MCU: variants seen among roughly 807,000 people sequenced by gnomAD.
MCU encodes calcium uniporter protein, mitochondrial.
MCU carries 12 observed loss-of-function variants against 45.2 expected under a neutral mutation model. The ratio of observed to expected loss-of-function variants is 0.27; its 90% CI spans 0.17 to 0.43. The LOEUF (loss-of-function observed/expected upper bound fraction) is 0.43, where lower values mean the gene tolerates loss of function less well. Among genes scored for constraint, MCU ranks in the 20% least tolerant of loss-of-function variants. The pLI, the probability that MCU is intolerant of heterozygous loss-of-function variation, is 1.00. For synonymous variants in MCU, 160 were observed against 165.1 expected (o/e 0.97, Z 0.24); for missense variants, 324 against 436.7 (o/e 0.74, Z 2.30).
intron 1 of MCU, among the ~76,000 whole-genome samples, chr10:72,786,660 C>A (rs770737488): frequency 2.0e-5 from 3 of 152,094 alleles, no homozygotes; most frequent in Non-Finnish European, 4.4e-5. Context: ...GCAGGAGAAT[C>A]GCTTGAACCC....
chr10:72,802,579 C>G (rs1844360025), intron 1 of MCU, among the ~76,000 whole-genome samples: 1 of 152,112 alleles, frequency 6.6e-6, no homozygotes, highest in Non-Finnish European at 1.5e-5. Flanking sequence ...AAATACTTAT[C>G]CATTGTAGAC....
chr10:72,875,900 A>G (rs972867086), intron 6 of MCU, among the ~76,000 whole-genome samples: 1 of 152,222 alleles, frequency 6.6e-6, no homozygotes, highest in Non-Finnish European at 1.5e-5. Context: ...CTTTTCAATG[A>G]AGGGGATGAT....
intron 2 of MCU, among the ~76,000 whole-genome samples, chr10:72,848,323 G>A (rs1425841753): frequency 6.6e-6 from 1 of 152,086 alleles, no homozygotes; most frequent in African/African-American, 2.4e-5. Flanking sequence ...TACAGTTCTG[G>A]GAAATCCAAG....
intron 2 of MCU, among the ~76,000 whole-genome samples, chr10:72,858,277 C>T (rs964534650): frequency 2.6e-5 from 4 of 152,130 alleles, no homozygotes; most frequent in African/African-American, 9.7e-5. Flanking sequence ...CTTCATGGGT[C>T]CCGTGTACAA....
At chr10:72,791,923 A>G (rs1285667717) in intron 1 of MCU, among the ~76,000 whole-genome samples, 3 of 152,030 alleles carry the variant, frequency 2.0e-5, no homozygotes, top group Non-Finnish European at 2.9e-5. Flanking sequence ...AAAAGCAGCT[A>G]TACATGTAGT....
chr10:72,764,808 A>T (rs1843702125), intron 1 of MCU, among the ~76,000 whole-genome samples: 1 of 152,132 alleles, frequency 6.6e-6, no homozygotes, highest in South Asian at 2.1e-4. Flanking sequence ...AGAGAATAGG[A>T]TTTATCAGGG....
chr10:72,791,181 T>C (rs1157517870), intron 1 of MCU, among the ~76,000 whole-genome samples: 1 of 152,186 alleles, frequency 6.6e-6, no homozygotes. Context: ...TTCCCAACAA[T>C]TTCAAATTAA....
chr10:72,792,855 G>T (rs1332606912), intron 1 of MCU, among the ~76,000 whole-genome samples: 1 of 151,878 alleles, frequency 6.6e-6, no homozygotes, highest in Non-Finnish European at 1.5e-5. Flanking sequence ...GGACATTAGT[G>T]GCAATGATGA....
intron 1 of MCU, among the ~76,000 whole-genome samples, chr10:72,814,082 A>G (rs985685242): frequency 3.3e-5 from 5 of 152,194 alleles, no homozygotes; most frequent in African/African-American, 1.2e-4. Context: ...CAGGGGATGG[A>G]AAAGTAAAGG....
chr10:72,725,957 T>C (rs575858095), intron 1 of MCU, among the ~76,000 whole-genome samples: 5 of 152,198 alleles, frequency 3.3e-5, no homozygotes, highest in Non-Finnish European at 7.4e-5. Flanking sequence ...ATTTATTTCC[T>C]CCTTTCTTGC....
intron 1 of MCU, among the ~76,000 whole-genome samples, chr10:72,704,347 G>A (rs1183102172): frequency 6.6e-6 from 1 of 152,028 alleles, no homozygotes; most frequent in African/African-American, 2.4e-5. Flanking sequence ...TTCAATTCAC[G>A]GTCTGTTTGA....
chr10:72,713,724 G>T (rs889434667), intron 1 of MCU, among the ~76,000 whole-genome samples: 35 of 152,108 alleles, frequency 2.3e-4, no homozygotes, highest in African/African-American at 8.0e-4. Flanking sequence ...AGTTTGTGTG[G>T]CTTGGCAAAT....
chr10:72,830,120 C>T (rs1844857674), intron 1 of MCU, among the ~76,000 whole-genome samples: 1 of 152,150 alleles, frequency 6.6e-6, no homozygotes, highest in African/African-American at 2.4e-5. Flanking sequence ...TGCAGCTACT[C>T]AACTCTTGCA....
At chr10:72,754,477 A>G (rs1193382901) in intron 1 of MCU, among the ~76,000 whole-genome samples, 3 of 152,184 alleles carry the variant, frequency 2.0e-5, no homozygotes, top group Admixed American at 6.5e-5. Context: ...GAGGCGGGGC[A>G]TGCTGACTCA....
intron 1 of MCU, among the ~76,000 whole-genome samples, chr10:72,821,052 T>C (rs1350070907): frequency 6.6e-6 from 1 of 152,182 alleles, no homozygotes; most frequent in East Asian, 1.9e-4. Flanking sequence ...TTCTGCTAAC[T>C]GAAATGGATT....
chr10:72,861,121 A>G (rs1031772713), intron 4 of MCU, among the ~76,000 whole-genome samples: 1 of 151,904 alleles, frequency 6.6e-6, no homozygotes, highest in African/African-American at 2.4e-5. Flanking sequence ...ACCTCAAGTT[A>G]TCCTCCTGCC....
chr10:72,743,412 C>CAAAAAAA (rs374429962), intron 1 of MCU, among the ~76,000 whole-genome samples: 1 of 74,416 alleles, frequency 1.3e-5, no homozygotes, highest in Non-Finnish European at 2.4e-5. Context: ...TACTCCATCT[C>CAAAAAAA]AAAAAAAAAA....
chr10:72,860,304 G>T, intron 3 of MCU, 119 bp from the exon 4 acceptor site: 1 of 813,100 alleles, frequency 1.2e-6, no homozygotes. Context: ...GAGGCAAAAA[G>T]TTAACTGAAA....
intron 1 of MCU, among the ~76,000 whole-genome samples, chr10:72,693,647 CCT>C (rs1842652839): frequency 6.6e-6 from 1 of 152,178 alleles, no homozygotes; most frequent in African/African-American, 2.4e-5. Context: ...TGGACCCTAT[CCT>C]CATTCTTGTG....
Sources: gnomAD v4.1 joint callset for allele counts (sites outside exome capture counted in the v4.1 genomes callset) on GRCh38, gnomAD v4.1.1 for gene constraint, MANE v1.5 for transcripts, NCBI Gene and HGNC (gene_info 2026-07-23, HGNC 2026-07-21) for gene names.